Variants in MED12L observed in about 807,000 individuals in gnomAD.
MED12L encodes the protein mediator complex subunit 12L, also known as mediator of RNA polymerase II transcription subunit 12-like protein.
MED12L carries 60 observed loss-of-function variants against 281.3 expected under a neutral mutation model. The ratio of observed to expected loss-of-function variants is 0.21; its 90% CI spans 0.17 to 0.26. The LOEUF is 0.26. Among genes scored for constraint, MED12L ranks in the 10% least tolerant of loss-of-function variants. MED12L has a pLI of 1.00. For synonymous variants in MED12L, 974 were observed against 987.2 expected, an observed-to-expected ratio of 0.99 and a Z score of 0.25; for missense variants, 2,146 against 2,680.9, an observed-to-expected ratio of 0.80 and a Z score of 4.41.
intron 2 of MED12L, among the ~76,000 whole-genome samples, chr3:151,087,459 A>G (rs1560031825): frequency 6.6e-6 from 1 of 152,190 alleles, no homozygotes; most frequent in Non-Finnish European, 1.5e-5. Flanking sequence ...GCCAGGGACG[A>G]AGGTGAGGGG....
intron 5 of MED12L, among the ~76,000 whole-genome samples, chr3:151,128,836 A>G (rs1714930165): frequency 6.6e-6 from 1 of 152,178 alleles, no homozygotes; most frequent in Non-Finnish European, 1.5e-5. Flanking sequence ...CCCACCTCAC[A>G]TACACTAAAA....
chr3:151,300,767 G>T (rs1265577430), intron 16 of MED12L, among the ~76,000 whole-genome samples: 1 of 152,202 alleles, frequency 6.6e-6, no homozygotes, highest in African/African-American at 2.4e-5. Context: ...CTTGAGGCTG[G>T]TGTGAGCAGT....
rs193267531 is a variant in MED12L, at chr3:151,111,118, A to C, written c.100-5220A>C. Among the ~76,000 whole-genome samples the C allele has an allele frequency of 5.1e-4, 77 of 152,358 alleles. 1 individual carries two copies. Among genetic ancestry groups the C allele is most frequent in the African/African-American group, 1.8e-3 (73 of 41,582 alleles). On this transcript the variant is annotated intron_variant, in intron 2 of 44. Transcript: ENST00000687756. ...CAAGTTCTTCAGAGGATTCTGATAGATGTAAAAGTTAGAGAGCCACTGCTT... is the reference window on the plus strand; with the variant it reads ...CAAGTTCTTCAGAGGATTCTGATAGCTGTAAAAGTTAGAGAGCCACTGCTT...
At chr3:151,294,163 A>G (rs777460104) in intron 16 of MED12L, 1 of 1,491,282 alleles carries the variant, frequency 6.7e-7, no homozygotes, top group Non-Finnish European at 9.2e-7. Context: ...ACAAACAATA[A>G]AAGGCCTACA....
chr3:151,190,456 G>C (rs1033110189), intron 13 of MED12L, among the ~76,000 whole-genome samples: 4 of 152,108 alleles, frequency 2.6e-5, no homozygotes, highest in Admixed American at 6.5e-5. Flanking sequence ...ACAGGTGTGA[G>C]CCACTGCACC....
chr3:151,123,260 T>TA (rs958506129), intron 4 of MED12L, among the ~76,000 whole-genome samples: 4 of 151,696 alleles, frequency 2.6e-5, no homozygotes, highest in South Asian at 2.1e-4. Flanking sequence ...AGCCTTCATT[T>TA]AAAAAAAAAT....
At chr3:151,115,672 A>G (rs929468442) in intron 2 of MED12L, among the ~76,000 whole-genome samples, 5 of 151,920 alleles carry the variant, frequency 3.3e-5, no homozygotes, top group Non-Finnish European at 7.4e-5. Flanking sequence ...AAAAAATCCT[A>G]TCATTTTATA....
chr3:151,294,015 A>C, intron 16 of MED12L: 1 of 625,286 alleles, frequency 1.6e-6, no homozygotes, highest in South Asian at 2.1e-5. Flanking sequence ...TCTCTTTGCT[A>C]TGCTTTAATG....
rs1015242607 is a variant in MED12L, at chr3:151,299,601, C to G, written c.2251-50458C>G. On this transcript the variant is annotated intron_variant, in intron 16 of 44. Coordinates refer to ENST00000687756, the MANE Select transcript of MED12L (RefSeq NM_001393769.1). ...TCAAGCGATTCCAGTGCCTCGGCCT[C>G]CTGAGTAGCAGGGACTACAGACGTG... Among the ~76,000 whole-genome samples the G allele has an allele frequency of 3.3e-5, 5 of 151,668 alleles. No homozygotes were observed. In the South Asian group the frequency reaches 8.3e-4, roughly 25 times the overall value.
At chr3:151,357,137 A>G (rs3732759) in intron 19 of MED12L, 76 bp from the exon 20 acceptor site, 457,356 of 1,266,616 alleles carry the variant, frequency 0.36, 84,139 homozygotes, top group East Asian at 0.39. Flanking sequence ...CAGTATATCT[A>G]TGGTTTATAA....
At chr3:151,429,607 G>T (rs1224465967) in intron 43 of MED12L, among the ~76,000 whole-genome samples, 8 of 152,082 alleles carry the variant, frequency 5.3e-5, no homozygotes. Context: ...TTCCTCTTTG[G>T]AATAACCACA....
At chr3:151,275,242 C>A (rs974437097) in intron 16 of MED12L, among the ~76,000 whole-genome samples, 1 of 152,128 alleles carries the variant, frequency 6.6e-6, no homozygotes, top group Admixed American at 6.5e-5. Flanking sequence ...CACAAGTGTA[C>A]AGATCGCTTT....
chr3:151,407,018 CT>C (rs1226289323), intron 39 of MED12L, among the ~76,000 whole-genome samples: 5 of 152,144 alleles, frequency 3.3e-5, no homozygotes, highest in African/African-American at 1.2e-4. Context: ...CCAGGCTGGT[CT>C]CGAACTGCTG....
intron 11 of MED12L, among the ~76,000 whole-genome samples, chr3:151,171,200 G>A (rs937269852): frequency 2.6e-5 from 4 of 152,294 alleles, no homozygotes; most frequent in South Asian, 2.1e-4. Flanking sequence ...CAAAGGAGTC[G>A]TTATGTGGAC....
chr3:151,384,865 T>C, intron 35 of MED12L, 165 bp from the exon 36 acceptor site: 1 of 578,424 alleles, frequency 1.7e-6, no homozygotes. Flanking sequence ...AAACACTCAT[T>C]GCTCTATTTG....
At chr3:151,372,811 C>A in intron 27 of MED12L, 45 bp downstream of exon 27, 1 of 1,499,298 alleles carries the variant, frequency 6.7e-7, no homozygotes, top group Non-Finnish European at 9.3e-7. Context: ...CGTAACTCTT[C>A]TTTTGGAGAG....
intron 40 of MED12L, among the ~76,000 whole-genome samples, chr3:151,410,571 C>T (rs576399434): frequency 1.2e-4 from 18 of 152,292 alleles, no homozygotes; most frequent in Admixed American, 7.2e-4. Context: ...TCCAACAGAA[C>T]TTCAGGTTTC....
chr3:151,350,229 C>T, intron 17 of MED12L, 23 bp downstream of exon 17: 3 of 1,608,752 alleles, frequency 1.9e-6, no homozygotes, highest in Non-Finnish European at 2.5e-6. Flanking sequence ...AATGCATTTG[C>T]TCCCATTGTG....
At chr3:151,408,037 A>T (rs954466874) in intron 39 of MED12L, among the ~76,000 whole-genome samples, 1 of 152,224 alleles carries the variant, frequency 6.6e-6, no homozygotes, top group Non-Finnish European at 1.5e-5. Flanking sequence ...TTCATCCTTA[A>T]TGTCACACAT....
Sources: allele counts gnomAD v4.1 joint callset (sites outside exome capture counted in the v4.1 genomes callset), GRCh38; gene constraint gnomAD v4.1.1; transcripts MANE v1.5; gene names NCBI Gene and HGNC (gene_info 2026-07-23, HGNC 2026-07-21).